The following ITPR1 variants were observed in gnomAD, a reference collection of about 807,000 sequenced individuals.
ITPR1 encodes inositol 1,4,5-trisphosphate receptor type 1.
ITPR1 carries 96 observed loss-of-function variants against 318.4 expected under a neutral mutation model. That is an observed-to-expected ratio of 0.30 (90% confidence interval 0.26 to 0.36). The LOEUF (loss-of-function observed/expected upper bound fraction) is 0.36, where lower values mean the gene tolerates loss of function less well. ITPR1 is among the 10% of genes least tolerant of loss of function. The pLI, the probability that ITPR1 is intolerant of heterozygous loss-of-function variation, is 1.00. For missense variants in ITPR1, 2,440 were observed against 3,460.2 expected, an observed-to-expected ratio of 0.71 and a Z score of 7.40; for synonymous variants, 1,312 against 1,289.9, an observed-to-expected ratio of 1.02 and a Z score of -0.37.
chr3:4,704,348 G>A (rs1574939131), intron 36 of ITPR1, among the ~76,000 whole-genome samples: 1 of 152,228 alleles, frequency 6.6e-6, no homozygotes, highest in African/African-American at 2.4e-5. Context: ...GGAGGCGGAG[G>A]TTGCGGTGAG....
In ITPR1 at chr3:4,754,117, G is replaced by A. The variant is rs190786020; in HGVS notation, c.5545-12413G>A. Among the ~76,000 whole-genome samples, 210 of 151,420 alleles carry A rather than the reference G, an allele frequency of 1.4e-3. 1 individual carries two copies. The highest frequency in any genetic ancestry group is 3.1e-3 in the South Asian group (15 of 4,790). ...TCAAGTTGAATTCCCTGGGAACCTC[G>A]GAGCATTGAGGACAGGAAATGTTGG... On this transcript the variant is annotated intron_variant, in intron 44 of 61. Coordinates refer to ENST00000649015, the MANE Select transcript of ITPR1 (RefSeq NM_001378452.1).
intron 4 of ITPR1, among the ~76,000 whole-genome samples, chr3:4,598,277 G>A (rs934076596): frequency 3.3e-5 from 5 of 152,204 alleles, no homozygotes; most frequent in African/African-American, 9.7e-5. Context: ...GTGTAGCAAG[G>A]AGGTCCTCTC....
At chr3:4,675,317 AC>A in intron 23 of ITPR1, 69 bp downstream of exon 23, 1 of 1,080,488 alleles carries the variant, frequency 9.3e-7, no homozygotes. Flanking sequence ...CTCATGTCAT[AC>A]CCTATATGTG....
intron 48 of ITPR1, 64 bp downstream of exon 48, chr3:4,777,438 G>GC: frequency 1.1e-6 from 1 of 905,376 alleles, no homozygotes; most frequent in South Asian, 1.4e-5. Context: ...TTTTGCCTTG[G>GC]CACATGCACA....
At chr3:4,676,841 C>G in intron 24 of ITPR1, 40 bp downstream of exon 24, 1 of 1,496,890 alleles carries the variant, frequency 6.7e-7, no homozygotes, top group Non-Finnish European at 9.2e-7. Context: ...GGGTATGTCA[C>G]AGAGGCGCCA....
chr3:4,583,145 A>G (rs1285158565), intron 4 of ITPR1, among the ~76,000 whole-genome samples: 2 of 152,190 alleles, frequency 1.3e-5, no homozygotes, highest in Admixed American at 1.3e-4. Context: ...AGGAAATTGG[A>G]TTTGGACCTT....
Position 4,846,174 on chromosome 3 carries a change from T to G in ITPR1, c.8226T>G (p.Gly2742=). The change falls in exon 62 of 62, where the codon GGT becomes GGG. Residue 2742 remains glycine (G), a synonymous_variant. Transcript: ENST00000649015. ...TEQRKQKQRI[G]LLGHPPHMNV... is the part of the protein sequence containing the mutation. ...AAAGGAAGCAGAAACAAAGAATTGG[T>G]CTTCTAGGACATCCTCCTCACATGA... 2.5e-6 allele frequency: 4 copies of G among 1,569,500 alleles called. No individual in the cohort carries two copies. Among genetic ancestry groups the G allele is most frequent in the Non-Finnish European group, 2.6e-6 (3 of 1,156,342 alleles).
chr3:4,658,663 A>G (rs189859962), intron 13 of ITPR1, among the ~76,000 whole-genome samples: 5 of 152,058 alleles, frequency 3.3e-5, no homozygotes, highest in African/African-American at 1.2e-4. Flanking sequence ...AAGAAATTCT[A>G]CAAGATAAAA....
chr3:4,746,875 A>G (rs1285523512), intron 44 of ITPR1, among the ~76,000 whole-genome samples: 1 of 152,174 alleles, frequency 6.6e-6, no homozygotes, highest in Non-Finnish European at 1.5e-5. Context: ...TAACTCGCCC[A>G]AGGGTGCACT....
chr3:4,543,261 CAAAAAAAAAAAAGAG>C lies in ITPR1; in HGVS notation c.163+22176_163+22190del, dbSNP rs1207308073. ...TGGGCGACAGAGCAAGAGCCTGTCT[CAAAAAAAAAAAAGAG>C]AAAAAAAAGAAAAAAGCAATTCTAG... On this transcript the variant is annotated intron_variant, in intron 4 of 61. Transcript: ENST00000649015. Among the ~76,000 whole-genome samples the C allele has an allele frequency of 4.2e-5, 5 of 119,018 alleles. No homozygotes were observed. In the East Asian group the frequency reaches 9.4e-4, roughly 22 times the overall value. 78.1% of individuals were successfully genotyped at this position (119,018 alleles called of 152,430 possible).
intron 4 of ITPR1, among the ~76,000 whole-genome samples, chr3:4,582,444 C>G (rs1295437960): frequency 4.6e-5 from 7 of 152,104 alleles, no homozygotes; most frequent in African/African-American, 7.2e-5. Context: ...CTCTTCTCCC[C>G]ACGCGTCCAT....
At chr3:4,747,329 G>A (rs1449667788) in intron 44 of ITPR1, among the ~76,000 whole-genome samples, 2 of 152,140 alleles carry the variant, frequency 1.3e-5, no homozygotes, top group Admixed American at 6.6e-5. Context: ...GAGAGGTCAG[G>A]TTATATGCTC....
intron 4 of ITPR1, among the ~76,000 whole-genome samples, chr3:4,622,249 G>A (rs1448713746): frequency 6.6e-6 from 1 of 151,428 alleles, no homozygotes; most frequent in East Asian, 1.9e-4. Context: ...TGAGTAGCTG[G>A]GACTACAGGC....
chr3:4,742,898 T>G (rs954410621), intron 44 of ITPR1, among the ~76,000 whole-genome samples: 1 of 152,274 alleles, frequency 6.6e-6, no homozygotes, highest in East Asian at 1.9e-4. Flanking sequence ...CGCTCTGTCT[T>G]ATGTTATTTT....
chr3:4,712,079 G>A (rs149630246), intron 39 of ITPR1, among the ~76,000 whole-genome samples: 185 of 152,294 alleles, frequency 1.2e-3, no homozygotes, highest in African/African-American at 3.5e-3. Flanking sequence ...ATACTTAGTC[G>A]TCTCTTATAG....
chr3:4,728,996 C>T (rs769866329), intron 42 of ITPR1, among the ~76,000 whole-genome samples: 5 of 152,158 alleles, frequency 3.3e-5, no homozygotes, highest in South Asian at 2.1e-4. Context: ...CTTCATGGCC[C>T]GAGGCACCTT....
chr3:4,721,259 G>T (rs556752885), intron 40 of ITPR1, among the ~76,000 whole-genome samples: 6 of 149,478 alleles, frequency 4.0e-5, no homozygotes, highest in African/African-American at 1.5e-4. Context: ...GGTCATGTCA[G>T]AATGTGTTTT....
intron 2 of ITPR1, among the ~76,000 whole-genome samples, chr3:4,498,911 C>G (rs142840396): frequency 4.6e-5 from 7 of 152,350 alleles, no homozygotes; most frequent in African/African-American, 1.7e-4. Context: ...GAATTAGAAG[C>G]TTCACATCAG....
At chr3:4,619,965 T>C (rs549985124) in intron 4 of ITPR1, among the ~76,000 whole-genome samples, 1 of 152,140 alleles carries the variant, frequency 6.6e-6, no homozygotes, top group African/African-American at 2.4e-5. Context: ...AGTTTTTATT[T>C]GGTTGCATTT....
Sources: gnomAD v4.1 joint callset for allele counts (sites outside exome capture counted in the v4.1 genomes callset) on GRCh38, gnomAD v4.1.1 for gene constraint, MANE v1.5 for transcripts, NCBI Gene and HGNC (gene_info 2026-07-23, HGNC 2026-07-21) for gene names.